The following NIBAN1 variants were observed in gnomAD, a reference collection of about 807,000 sequenced individuals.
NIBAN1 encodes protein Niban 1.
In NIBAN1, 81 loss-of-function variants were observed where a neutral mutation model predicts 75.1. That is an observed-to-expected ratio of 1.08 (90% confidence interval 0.90 to 1.30). The LOEUF (loss-of-function observed/expected upper bound fraction) is 1.30. Ranked by LOEUF, NIBAN1 falls within the 50% of genes most tolerant of loss-of-function variation. The probability of loss-of-function intolerance (pLI) is 0.00; values close to 1 mark genes in which losing one functional copy is unlikely to be tolerated. For synonymous variants in NIBAN1, 436 were observed against 424.8 expected (o/e 1.03, Z -0.32); for missense variants, 1,133 against 1,128.1 (o/e 1.00, Z -0.06).
intron 2 of NIBAN1, among the ~76,000 whole-genome samples, chr1:184,898,567 G>A (rs1375344004): frequency 1.3e-5 from 2 of 152,170 alleles, no homozygotes; most frequent in African/African-American, 2.4e-5. Flanking sequence ...AGTGAGCCGC[G>A]ATTGTATCAC....
intron 3 of NIBAN1, among the ~76,000 whole-genome samples, 161 bp downstream of exon 3, chr1:184,893,914 A>G (rs1193006779): frequency 6.6e-6 from 1 of 152,228 alleles, no homozygotes; most frequent in Non-Finnish European, 1.5e-5. Flanking sequence ...ATAGATACCT[A>G]CATGAATGAG....
At chr1:184,918,494 G>A (rs1410034667) in intron 1 of NIBAN1, among the ~76,000 whole-genome samples, 5 of 152,152 alleles carry the variant, frequency 3.3e-5, no homozygotes, top group East Asian at 1.9e-4. Flanking sequence ...TCCACAGAGC[G>A]TTGTATATGC....
chr1:184,868,795 G>T (rs1382307005), intron 5 of NIBAN1, among the ~76,000 whole-genome samples: 2 of 152,126 alleles, frequency 1.3e-5, no homozygotes, highest in African/African-American at 4.8e-5. Flanking sequence ...ATAAGTACCT[G>T]CTGACTGAGA....
chr1:184,912,404 C>T (rs886771760), intron 1 of NIBAN1, among the ~76,000 whole-genome samples: 3 of 152,154 alleles, frequency 2.0e-5, no homozygotes, highest in Non-Finnish European at 4.4e-5. Context: ...AGCATCTTCA[C>T]CTGCACTTCA....
intron 6 of NIBAN1, among the ~76,000 whole-genome samples, chr1:184,827,921 C>T (rs961092238): frequency 2.0e-4 from 29 of 147,892 alleles, no homozygotes; most frequent in African/African-American, 5.5e-4. Flanking sequence ...CTCTGGAGCA[C>T]GTGGACAAGG....
At position 184,845,987 on chromosome 1, in the gene NIBAN1, T is replaced by G. The variant is rs1222101862; in HGVS notation, c.602-14025A>C. Among the ~76,000 whole-genome samples, 4 of 82,766 alleles carry G rather than the reference T, an allele frequency of 4.8e-5. 2 individuals carry two copies. The highest frequency in any genetic ancestry group is 9.7e-5 in the Non-Finnish European group (4 of 41,172). 54.3% of individuals were successfully genotyped at this position (82,766 alleles called of 152,430 possible). A position where few individuals can be genotyped will look rare whatever the true frequency, so the allele number is the denominator to read the frequency against. On this transcript the variant is annotated intron_variant, in intron 5 of 13. Coordinates refer to ENST00000367511, the MANE Select transcript of NIBAN1 (RefSeq NM_052966.4). ...CAGAGGGTCCTACGCCCACGGAATC[T>G]CGCTGATTGCTAGCACAGCAGTCTG...
chr1:184,830,892 C>T (rs954377586), intron 6 of NIBAN1, among the ~76,000 whole-genome samples: 12 of 151,400 alleles, frequency 7.9e-5, no homozygotes, highest in Admixed American at 6.6e-4. Context: ...CCCAGCTACT[C>T]GGGAGGCTGA....
chr1:184,911,952 GCAACCCC>G (rs112845388), intron 1 of NIBAN1, among the ~76,000 whole-genome samples: 85 of 152,136 alleles, frequency 5.6e-4, no homozygotes, highest in African/African-American at 2.0e-3. Context: ...AGCTACATTT[GCAACCCC>G]CTCTACCCTG....
chr1:184,955,617 G>A (rs566358952), intron 1 of NIBAN1, among the ~76,000 whole-genome samples: 2 of 152,156 alleles, frequency 1.3e-5, no homozygotes, highest in South Asian at 2.1e-4. Flanking sequence ...GATTACAGGC[G>A]TGAGCCACAG....
At chr1:184,823,817 T>C in intron 6 of NIBAN1, 75 bp from the exon 7 acceptor site, 6 of 1,273,326 alleles carry the variant, frequency 4.7e-6, no homozygotes, top group Non-Finnish European at 5.7e-6. Flanking sequence ...ACTAAAAATG[T>C]CCTGATTGGC....
chr1:184,794,709 G>T lies in NIBAN1; in HGVS notation c.*268C>A. On this transcript the variant is annotated 3_prime_UTR_variant, in exon 14 of 14. Coordinates refer to ENST00000367511, the MANE Select transcript of NIBAN1 (RefSeq NM_052966.4). ...TCCCTGCAATACTATTCCCTCCTCAGACATCCTCAGCTCCCTCTCACCCCA... is the reference window on the plus strand; with the variant it reads ...TCCCTGCAATACTATTCCCTCCTCATACATCCTCAGCTCCCTCTCACCCCA... 1 of 537,050 alleles carries T rather than the reference G, an allele frequency of 1.9e-6. No homozygotes were observed. The highest frequency in any genetic ancestry group is 3.1e-5 in the Admixed American group (1 of 32,260). The allele number at this position is 537,050 out of a possible 1,614,324, so 33.3% of individuals were successfully genotyped here. A position where few individuals can be genotyped will look rare whatever the true frequency, so the allele number is the denominator to read the frequency against.
rs1654249814 is a variant in NIBAN1 at position 184,807,871 on chromosome 1, GC to G, written c.1335+202del. Reference sequence around the variant, plus strand: ...AATTAATGCTACTTTATTTTTCTGAGCTATGTCTTGTCTATGATGTTCATCC... The same window carrying G: ...AATTAATGCTACTTTATTTTTCTGAGTATGTCTTGTCTATGATGTTCATCC... On this transcript the variant is annotated intron_variant, in intron 10 of 13. Transcript: ENST00000367511. 3.6e-5 allele frequency: 21 copies of G among 580,992 alleles called. No homozygotes were observed. In the South Asian group the frequency reaches 3.7e-4, roughly 10 times the overall value. 36.0% of individuals were successfully genotyped at this position (580,992 alleles called of 1,614,324 possible). A position where few individuals can be genotyped will look rare whatever the true frequency, so the allele number is the denominator to read the frequency against.
At position 184,814,999 on chromosome 1, in the gene NIBAN1, A is replaced by G. The variant is rs112006678; in HGVS notation, c.1173+3639T>C. On this transcript the variant is annotated intron_variant, in intron 9 of 13. Transcript: ENST00000367511. ...AAAGATAAAATAATCCAAATTGAAT[A>G]TATTGATATGGTGACTTATAAATTG... Among the ~76,000 whole-genome samples the G allele has an allele frequency of 1.4e-3, 217 of 152,338 alleles. 1 individual carries two copies. The highest frequency in any genetic ancestry group is 5.0e-3 in the African/African-American group (207 of 41,582).
chr1:184,908,523 T>G (rs1657160831), intron 1 of NIBAN1, among the ~76,000 whole-genome samples: 1 of 152,214 alleles, frequency 6.6e-6, no homozygotes, highest in Admixed American at 6.5e-5. Flanking sequence ...TGGTCAACTT[T>G]TCCAGAGGAC....
Position 184,795,468 on chromosome 1 carries a change from T to G in NIBAN1, c.2296A>C (p.Ser766Arg). The G allele has an allele frequency of 6.2e-7, 1 of 1,611,074 alleles. No homozygotes were observed. Among genetic ancestry groups the G allele is most frequent in the Non-Finnish European group, 8.5e-7 (1 of 1,178,706 alleles). ...AAIHPDNCEE[S>R]EVSEREAQPP... Reference sequence around the variant, plus strand: ...TGGGCCTCCCTCTCGCTGACTTCACTTTCTTCACAGTTGTCGGGGTGGATG... The same window carrying G: ...TGGGCCTCCCTCTCGCTGACTTCACGTTCTTCACAGTTGTCGGGGTGGATG... Residue 766 changes from serine to arginine, a missense_variant, in exon 14 of 14, where the codon AGT becomes CGT. By Grantham distance (110) the Ser-to-Arg change is moderately radical. Transcript: ENST00000367511.
intron 1 of NIBAN1, among the ~76,000 whole-genome samples, chr1:184,930,997 C>CTTTTTTTTTTTTTT (rs200932673): frequency 8.7e-6 from 1 of 114,554 alleles, no homozygotes; most frequent in Non-Finnish European, 1.7e-5. Context: ...TTTTCTTCTT[C>CTTTTTTTTTTTTTT]TTTTTTTTTT....
At chr1:184,878,556 A>T (rs1040820765) in intron 5 of NIBAN1, among the ~76,000 whole-genome samples, 1 of 152,212 alleles carries the variant, frequency 6.6e-6, no homozygotes, top group Non-Finnish European at 1.5e-5. Context: ...TGTGGACAAA[A>T]TACCAAGTTA....
intron 5 of NIBAN1, among the ~76,000 whole-genome samples, chr1:184,855,641 A>G (rs893223683): frequency 3.9e-5 from 6 of 152,092 alleles, no homozygotes; most frequent in African/African-American, 1.4e-4. Context: ...TTTCCACAGC[A>G]CTTGCTACAT....
At chr1:184,968,291 T>G (rs1347699479) in intron 1 of NIBAN1, among the ~76,000 whole-genome samples, 1 of 152,114 alleles carries the variant, frequency 6.6e-6, no homozygotes, top group Non-Finnish European at 1.5e-5. Context: ...CCTAAAGAGC[T>G]TCCCATTTCT....
Sources: allele counts gnomAD v4.1 joint callset (sites outside exome capture counted in the v4.1 genomes callset), GRCh38; gene constraint gnomAD v4.1.1; transcripts MANE v1.5; gene names NCBI Gene and HGNC (gene_info 2026-07-23, HGNC 2026-07-21).